The following OSBPL1A variants were observed in gnomAD, a reference collection of about 807,000 sequenced individuals.
The protein encoded by OSBPL1A is oxysterol-binding protein-related protein 1.
OSBPL1A carries 80 observed loss-of-function variants against 137.1 expected under a neutral mutation model. That is an observed-to-expected ratio of 0.58 (90% CI 0.49 to 0.70). The LOEUF is 0.70. Among genes scored for constraint, OSBPL1A ranks in the 30% least tolerant of loss-of-function variants. The pLI, the probability that OSBPL1A is intolerant of heterozygous loss-of-function variation, is 0.00. For synonymous variants in OSBPL1A, 365 were observed against 389.7 expected, an observed-to-expected ratio of 0.94 and a Z score of 0.75; for missense variants, 970 against 1,129.4, an observed-to-expected ratio of 0.86 and a Z score of 2.02.
At chr18:24,313,421 GA>G (rs67320005) in intron 12 of OSBPL1A, among the ~76,000 whole-genome samples, 18,323 of 137,942 alleles carry the variant, frequency 0.13, 1,138 homozygotes, top group South Asian at 0.17. Flanking sequence ...AGCCTGGGCG[GA>G]AAAAAAAAAA....
intron 7 of OSBPL1A, chr18:24,321,686 C>T (rs2090863117): frequency 1.9e-6 from 1 of 524,912 alleles, no homozygotes. Flanking sequence ...CATGACAGGC[C>T]TTCTCTTTCC....
intron 4 of OSBPL1A, among the ~76,000 whole-genome samples, chr18:24,358,886 C>T (rs921118682): frequency 1.3e-5 from 2 of 151,802 alleles, no homozygotes; most frequent in Non-Finnish European, 2.9e-5. Flanking sequence ...GCTGGGACTA[C>T]AAGCACATGC....
At chr18:24,397,002 C>G (rs1320629089) in intron 1 of OSBPL1A, among the ~76,000 whole-genome samples, 1 of 152,238 alleles carries the variant, frequency 6.6e-6, no homozygotes, top group East Asian at 1.9e-4. Context: ...GAATATCACA[C>G]TGCCCACAGT....
intron 15 of OSBPL1A, among the ~76,000 whole-genome samples, chr18:24,278,681 C>T (rs749743091): frequency 1.4e-4 from 21 of 152,144 alleles, no homozygotes; most frequent in Admixed American, 1.4e-3. Context: ...AACCATATAT[C>T]TCTGGAACAA....
At chr18:24,258,970 G>A (rs113592583) in intron 15 of OSBPL1A, among the ~76,000 whole-genome samples, 37,619 of 129,970 alleles carry the variant, frequency 0.29, 6,024 homozygotes, top group Middle Eastern at 0.45. Context: ...ACGGAGTCTC[G>A]CTCTGTCGCC....
chr18:24,214,706 T>C (rs986108410), intron 17 of OSBPL1A, among the ~76,000 whole-genome samples: 3 of 152,168 alleles, frequency 2.0e-5, no homozygotes, highest in East Asian at 1.9e-4. Flanking sequence ...CTGTATGTTA[T>C]CTGGAACACT....
chr18:24,385,515 G>A (rs1906904716), intron 1 of OSBPL1A, among the ~76,000 whole-genome samples: 1 of 152,186 alleles, frequency 6.6e-6, no homozygotes, highest in Admixed American at 6.5e-5. Context: ...TTAAGGCAAA[G>A]GAGGCCAGGG....
chr18:24,375,153 A>G (rs775232469), intron 2 of OSBPL1A, among the ~76,000 whole-genome samples: 1 of 151,962 alleles, frequency 6.6e-6, no homozygotes, highest in Non-Finnish European at 1.5e-5. Context: ...CGTTTCTACA[A>G]GAAATACAAA....
At position 24,348,654 on chromosome 18, in the gene OSBPL1A, A is replaced by G. The variant is rs572913804; in HGVS notation, c.283-6996T>C. Among the ~76,000 whole-genome samples the G allele has an allele frequency of 7.2e-5, 11 of 152,036 alleles. No homozygotes were observed. The East Asian group carries it at 2.1e-3, about 29-fold the overall frequency. On this transcript the variant is annotated intron_variant, in intron 4 of 27. Transcript: ENST00000319481. ...CTGGGCATGGTGATGCGCACCTATA[A>G]TCCCAGCTACTTGGGAAGCTGAGGC...
intron 18 of OSBPL1A, among the ~76,000 whole-genome samples, chr18:24,191,109 C>T (rs755399040): frequency 6.6e-5 from 10 of 152,200 alleles, no homozygotes; most frequent in Non-Finnish European, 1.0e-4. Context: ...GAATTGAGAT[C>T]GGAGAGCTTG....
chr18:24,369,386 G>T (rs532208831), intron 2 of OSBPL1A, among the ~76,000 whole-genome samples: 2 of 152,000 alleles, frequency 1.3e-5, no homozygotes, highest in Non-Finnish European at 2.9e-5. Flanking sequence ...AAGCCCAAAA[G>T]CTTCCCAAAA....
intron 7 of OSBPL1A, among the ~76,000 whole-genome samples, chr18:24,330,827 ACT>A (rs983732886): frequency 1.4e-5 from 2 of 139,822 alleles, no homozygotes; most frequent in Admixed American, 1.5e-4. Flanking sequence ...ACAGAGTCTC[ACT>A]CTGTTGCCAG....
rs576960248 is a variant in OSBPL1A, at chr18:24,272,236, C to CTT, written c.1281+8604_1281+8605dup. 27 of 795,802 alleles carry CTT rather than the reference C, an allele frequency of 3.4e-5. No homozygotes were observed. The African/African-American group carries it at 4.9e-4, about 14-fold the overall frequency. The allele number at this position is 795,802 out of a possible 1,614,324, so 49.3% of individuals were successfully genotyped here. A position where few individuals can be genotyped will look rare whatever the true frequency, so the allele number is the denominator to read the frequency against. On this transcript the variant is annotated intron_variant, in intron 15 of 27. Transcript: ENST00000319481. ...CTCCTGGAGACACCGGCCCTGGCAA[C>CTT]TTTTTTTTTTTCTTTTTTCTTTTTT...
chr18:24,397,082 C>T (rs1255367938), intron 1 of OSBPL1A, among the ~76,000 whole-genome samples: 1 of 152,154 alleles, frequency 6.6e-6, no homozygotes, highest in African/African-American at 2.4e-5. Context: ...TCAGAATAAC[C>T]CTTTTCAATG....
At chr18:24,373,124 TTTTAAG>T (rs1334981224) in intron 2 of OSBPL1A, among the ~76,000 whole-genome samples, 14 of 152,206 alleles carry the variant, frequency 9.2e-5, no homozygotes, top group Admixed American at 2.0e-4. Context: ...TCAAACAGTA[TTTTAAG>T]TTTAACTACT....
intron 17 of OSBPL1A, among the ~76,000 whole-genome samples, chr18:24,216,768 T>A (rs527805127): frequency 1.8e-4 from 28 of 152,008 alleles, no homozygotes; most frequent in African/African-American, 5.3e-4. Context: ...TTTTTTTTTT[T>A]AAAGGGGAGG....
At chr18:24,207,191 C>T (rs1288733825) in intron 17 of OSBPL1A, among the ~76,000 whole-genome samples, 1 of 152,190 alleles carries the variant, frequency 6.6e-6, no homozygotes, top group African/African-American at 2.4e-5. Context: ...TCAAGCGATT[C>T]TCCTGCCTCA....
intron 12 of OSBPL1A, among the ~76,000 whole-genome samples, chr18:24,314,042 T>G (rs1043737616): frequency 6.6e-6 from 1 of 152,150 alleles, no homozygotes; most frequent in African/African-American, 2.4e-5. Flanking sequence ...GAGGCAGAGG[T>G]TGCAGTGAGC....
chr18:24,258,219 C>T (rs563232280), intron 15 of OSBPL1A, among the ~76,000 whole-genome samples: 44 of 152,100 alleles, frequency 2.9e-4, no homozygotes, highest in Non-Finnish European at 4.7e-4. Flanking sequence ...AAGCAACCTA[C>T]GTGTCCATCA....
Sources: gnomAD v4.1 joint callset for allele counts (sites outside exome capture counted in the v4.1 genomes callset) on GRCh38, gnomAD v4.1.1 for gene constraint, MANE v1.5 for transcripts, NCBI Gene and HGNC (gene_info 2026-07-23, HGNC 2026-07-21) for gene names.